Variants in KIFC3 observed in about 807,000 individuals in gnomAD.
KIFC3 encodes kinesin-like protein KIFC3.
A neutral mutation model predicts 101.8 loss-of-function variants in KIFC3; 60 were observed. That is an observed-to-expected ratio of 0.59 (90% CI 0.48 to 0.73). KIFC3 has a LOEUF of 0.73. Ranked by LOEUF, KIFC3 falls within the 30% of genes least tolerant of loss-of-function variation. The probability of loss-of-function intolerance (pLI) is 0.00; values close to 1 mark genes in which losing one functional copy is unlikely to be tolerated. For missense variants in KIFC3, 966 were observed against 1,137.1 expected (o/e 0.85, Z 2.16); for synonymous variants, 476 against 482.7 (o/e 0.99, Z 0.18).
chr16:57,814,246 G>A (rs1361912612), intron 1 of KIFC3, among the ~76,000 whole-genome samples: 2 of 152,074 alleles, frequency 1.3e-5, no homozygotes, highest in Admixed American at 1.3e-4. Flanking sequence ...TACCTGTGAG[G>A]CCCAATGGAA....
At chr16:57,853,418 C>CAAAATAAAAT (rs71385127) in intron 1 of KIFC3, among the ~76,000 whole-genome samples, 5,227 of 146,030 alleles carry the variant, frequency 0.036, 102 homozygotes, top group East Asian at 0.054. Context: ...GACTCCATCT[C>CAAAATAAAAT]AAAATAAAAT....
chr16:57,761,177 G>A lies in KIFC3; in HGVS notation c.1873-6C>T, dbSNP rs782390910. The A allele has an allele frequency of 6.2e-7, 1 of 1,613,656 alleles. No homozygotes were observed. The highest frequency in any genetic ancestry group is 1.1e-5 in the South Asian group (1 of 91,034). On this transcript the variant is annotated splice_region_variant and splice_polypyrimidine_tract_variant and intron_variant, in intron 14 of 19. Coordinates refer to ENST00000445690, the MANE Select transcript of KIFC3 (RefSeq NM_001130100.2). ...GTGTGGCCAAACTCAAACACCTGGG[G>A]GATTGGGAGGAGGGCAGAGGCACAG...
chr16:57,792,681 G>A (rs1216659568), intron 3 of KIFC3, among the ~76,000 whole-genome samples: 8 of 151,874 alleles, frequency 5.3e-5, no homozygotes, highest in Non-Finnish European at 8.8e-5. Context: ...CCACAAGTTC[G>A]GGACCAGCCT....
upstream of KIFC3, chr16:57,802,599 A>C (rs2054814756): frequency 1.0e-6 from 1 of 985,898 alleles, no homozygotes; most frequent in Non-Finnish European, 1.2e-6. This position sits in a 1 kb window ranked among gnomAD's most constrained non-coding sequence, Gnocchi z 5.0. Context: ...ACTCACGCGC[A>C]CTGGCGCGCA....
intron 11 of KIFC3, 145 bp from the exon 12 acceptor site, chr16:57,764,392 T>G: frequency 1.6e-6 from 1 of 616,106 alleles, no homozygotes; most frequent in Non-Finnish European, 2.9e-6. Context: ...CTCACAATGA[T>G]TCGTGACTCA....
At chr16:57,804,427 A>AT (rs2054885634), upstream of KIFC3, among the ~76,000 whole-genome samples, 1 of 152,232 alleles carries the variant, frequency 6.6e-6, no homozygotes, top group African/African-American at 2.4e-5. Flanking sequence ...TGATAGAGCT[A>AT]TGACTCCAAT....
intron 1 of KIFC3, among the ~76,000 whole-genome samples, chr16:57,857,160 G>C (rs1216619604): frequency 6.6e-6 from 1 of 152,142 alleles, no homozygotes; most frequent in African/African-American, 2.4e-5. Flanking sequence ...CCTGTGTGCT[G>C]TGTGTCTTCC....
intron 3 of KIFC3, among the ~76,000 whole-genome samples, chr16:57,783,855 G>A (rs1216260256): frequency 6.6e-6 from 1 of 152,188 alleles, no homozygotes; most frequent in Non-Finnish European, 1.5e-5. Context: ...AGGAAGAGGG[G>A]CTGCTCAGCC....
intron 2 of KIFC3, among the ~76,000 whole-genome samples, chr16:57,795,414 C>T (rs1453225686): frequency 6.6e-6 from 1 of 152,244 alleles, no homozygotes; most frequent in African/African-American, 2.4e-5. Flanking sequence ...GCTCCCCTAT[C>T]CCCACAGTGG....
rs997716531 is a variant in KIFC3 at position 57,762,264 on chromosome 16, C to T, written c.1624G>A (p.Ala542Thr). 7.7e-6 allele frequency: 12 copies of T among 1,565,314 alleles called. No individual in the cohort carries two copies. Among genetic ancestry groups the T allele is most frequent in the African/African-American group, 2.7e-5 (2 of 73,522 alleles). Residue 542 changes from alanine (A) to threonine (T), a missense_variant, in exon 13 of 20, where the codon GCT (alanine) becomes ACT (threonine). By Grantham distance (58) the Ala-to-Thr change is moderately conservative (BLOSUM62 0). Around this residue, in one of 2 missense-constraint regions of KIFC3, gnomAD observed 689 missense variants for 884.6 expected, o/e 0.78. Transcript: ENST00000445690. The stretch of plus-strand genomic sequence containing the variant: ...CGCTGGTTGATACCTGGGTTCTCAG[C>T]GGTCCCCTGGGGACAGAAGGAAAGG... Reference protein sequence around the residue: ...AGKTYTMEGTAENPGINQRAL... With the variant: ...AGKTYTMEGTTENPGINQRAL...
At chr16:57,844,771 T>C (rs406057) in intron 1 of KIFC3, among the ~76,000 whole-genome samples, 127,430 of 152,094 alleles carry the variant, frequency 0.84, 53,571 homozygotes, top group East Asian at 0.95. Flanking sequence ...CAGTCTTCTA[T>C]GCTGGAGCCC....
At position 57,766,852 on chromosome 16, in the gene KIFC3, C is replaced by G. The variant is rs781819816; in HGVS notation, c.1330+22G>C. The G allele has an allele frequency of 5.7e-6, 9 of 1,583,244 alleles. No homozygotes were observed. The Admixed American group carries it at 1.5e-4, about 26-fold the overall frequency. ...TCGAGGACCCCGAGGCCAGCGCCCA[C>G]CCCCAGCCCTCCTGCAGTCACCTTT... On this transcript the variant is annotated intron_variant, in intron 10 of 19. Coordinates refer to ENST00000445690, the MANE Select transcript of KIFC3 (RefSeq NM_001130100.2).
At chr16:57,762,782 G>C (rs1280926195) in intron 12 of KIFC3, among the ~76,000 whole-genome samples, 1 of 152,120 alleles carries the variant, frequency 6.6e-6, no homozygotes, top group African/African-American at 2.4e-5. Context: ...TCGAGGCCCT[G>C]GGAGCCTGGC....
chr16:57,805,383 G>A (rs1279249535), upstream of KIFC3, among the ~76,000 whole-genome samples: 1 of 152,168 alleles, frequency 6.6e-6, no homozygotes, highest in Non-Finnish European at 1.5e-5. Flanking sequence ...TGCATAGGAG[G>A]CTGCCAACTC....
At chr16:57,763,363 C>T (rs1046605656) in intron 12 of KIFC3, among the ~76,000 whole-genome samples, 1 of 152,106 alleles carries the variant, frequency 6.6e-6, no homozygotes, top group Non-Finnish European at 1.5e-5. Flanking sequence ...GGCCTGCCCC[C>T]ACTAACTAGT....
chr16:57,788,660 C>A, intron 3 of KIFC3: 1 of 1,289,628 alleles, frequency 7.8e-7, no homozygotes, highest in Middle Eastern at 2.1e-4. Context: ...TCCAAAGCTT[C>A]TCTTCTTTCG....
chr16:57,762,378 G>A, intron 12 of KIFC3, 108 bp from the exon 13 acceptor site: 1 of 1,218,866 alleles, frequency 8.2e-7, no homozygotes, highest in South Asian at 1.7e-5. Context: ...AAGCCTCCTT[G>A]CCCAAAGCTC....
intron 1 of KIFC3, among the ~76,000 whole-genome samples, chr16:57,854,881 T>G (rs1269746144): frequency 1.3e-5 from 2 of 152,112 alleles, no homozygotes; most frequent in Non-Finnish European, 2.9e-5. Context: ...AATCTCCAAG[T>G]GCTTGAAAGT....
At chr16:57,810,764 A>G (rs1227182380) in intron 1 of KIFC3, 33 of 830,338 alleles carry the variant, frequency 4.0e-5, no homozygotes, top group Non-Finnish European at 4.8e-5. Flanking sequence ...CTTTCATTCA[A>G]TCCCCGCAAC....
Sources: allele counts gnomAD v4.1 joint callset (sites outside exome capture counted in the v4.1 genomes callset), GRCh38; gene constraint gnomAD v4.1.1; regional missense constraint gnomAD v4.1.1; non-coding constraint Gnocchi (gnomAD v3.1); transcripts MANE v1.5; gene names NCBI Gene and HGNC (gene_info 2026-07-23, HGNC 2026-07-21).